The following ABLIM1 variants were observed in gnomAD, a reference collection of about 807,000 sequenced individuals.
ABLIM1 encodes the protein actin binding LIM protein 1, also known as actin-binding LIM protein 1.
Under a neutral mutation model 107.0 loss-of-function variants are expected in ABLIM1, and 40 were observed. That is an observed-to-expected ratio of 0.37 (90% CI 0.29 to 0.49). The LOEUF is 0.49. Among genes scored for constraint, ABLIM1 ranks in the 20% least tolerant of loss-of-function variants. The pLI is 0.97. For synonymous variants in ABLIM1, 357 were observed against 357.3 expected, an observed-to-expected ratio of 1.00 and a Z score of 0.01; for missense variants, 857 against 1,008.5, an observed-to-expected ratio of 0.85 and a Z score of 2.04.
chr10:114,789,154 C>T, the ABLIM1 span, among the ~76,000 whole-genome samples: 1 of 151,908 alleles, frequency 6.6e-6, no homozygotes, highest in East Asian at 1.9e-4. Flanking sequence ...ACTTGGGAGG[C>T]TGAGGCAGAA....
At chr10:114,773,514 G>C in the ABLIM1 span, among the ~76,000 whole-genome samples, 5 of 152,178 alleles carry the variant, frequency 3.3e-5, no homozygotes, top group Non-Finnish European at 7.3e-5. Context: ...TTGAGGTCAG[G>C]AGTTCAAAAC....
At chr10:114,625,068 T>C (rs1352160791) in intron 1 of ABLIM1, among the ~76,000 whole-genome samples, 2 of 152,192 alleles carry the variant, frequency 1.3e-5, no homozygotes, top group Admixed American at 6.5e-5. Context: ...TCCTTTAATC[T>C]ATCACTTCCC....
chr10:114,613,312 G>A (rs1446879944), intron 1 of ABLIM1, among the ~76,000 whole-genome samples: 1 of 152,200 alleles, frequency 6.6e-6, no homozygotes, highest in Non-Finnish European at 1.5e-5. Flanking sequence ...ATTCACCCCT[G>A]CAGTGGGGAG....
At chr10:114,764,570 G>A (rs1219973072) in intron 1 of ABLIM1, among the ~76,000 whole-genome samples, 2 of 151,490 alleles carry the variant, frequency 1.3e-5, no homozygotes, top group African/African-American at 4.9e-5. Context: ...TTAAACTCCT[G>A]GCCTCAAGTG....
At chr10:114,532,891 G>A (rs2065601953) in intron 6 of ABLIM1, among the ~76,000 whole-genome samples, 1 of 152,146 alleles carries the variant, frequency 6.6e-6, no homozygotes, top group Admixed American at 6.5e-5. Flanking sequence ...AGACCCACTT[G>A]TCTGTTTCTC....
At chr10:114,442,676 C>CA (rs5788066) in intron 17 of ABLIM1, among the ~76,000 whole-genome samples, 33,250 of 152,018 alleles carry the variant, frequency 0.22, 4,503 homozygotes, top group African/African-American at 0.4. Flanking sequence ...TAGTTATTGG[C>CA]GTATCACGCT....
At chr10:114,559,783 G>A (rs1327443987) in intron 4 of ABLIM1, among the ~76,000 whole-genome samples, 3 of 152,226 alleles carry the variant, frequency 2.0e-5, no homozygotes, top group African/African-American at 7.2e-5. Context: ...TCTCAGCACT[G>A]TTGATACTCT....
At chr10:114,497,681 C>CA (rs576676119) in intron 6 of ABLIM1, among the ~76,000 whole-genome samples, 12,069 of 75,406 alleles carry the variant, frequency 0.16, 1,126 homozygotes, top group East Asian at 0.48. Context: ...GATTCTGTCT[C>CA]AAAAAAAAAA....
chr10:114,710,412 G>A (rs912560181), intron 1 of ABLIM1, among the ~76,000 whole-genome samples: 3 of 152,174 alleles, frequency 2.0e-5, no homozygotes, highest in Non-Finnish European at 4.4e-5. Context: ...AAGACAGAAT[G>A]AGAGACAAGC....
intron 1 of ABLIM1, among the ~76,000 whole-genome samples, chr10:114,699,104 C>CAAAAA (rs11344931): frequency 8.7e-6 from 1 of 115,252 alleles, no homozygotes; most frequent in African/African-American, 3.3e-5. Flanking sequence ...TTTTGCTTAG[C>CAAAAA]AAAAAAAAAA....
intron 1 of ABLIM1, among the ~76,000 whole-genome samples, chr10:114,752,625 G>T (rs1039455196): frequency 5.9e-5 from 9 of 152,116 alleles, no homozygotes; most frequent in Non-Finnish European, 8.8e-5. Context: ...AGTGTGTGTT[G>T]TTCCCTTCCC....
chr10:114,607,463 C>T (rs1387303026), intron 1 of ABLIM1, among the ~76,000 whole-genome samples: 1 of 152,158 alleles, frequency 6.6e-6, no homozygotes, highest in Non-Finnish European at 1.5e-5. Context: ...GTGATCTCCT[C>T]CCAAAGAGCA....
chr10:114,640,839 A>C (rs1417293709), intron 1 of ABLIM1, among the ~76,000 whole-genome samples: 1 of 152,196 alleles, frequency 6.6e-6, no homozygotes, highest in African/African-American at 2.4e-5. Context: ...GGAATAAAGA[A>C]AAAAGCTTTA....
intron 8 of ABLIM1, among the ~76,000 whole-genome samples, chr10:114,481,833 T>C (rs2057423118): frequency 6.6e-6 from 1 of 152,236 alleles, no homozygotes; most frequent in Non-Finnish European, 1.5e-5. Flanking sequence ...GTATGTATTG[T>C]AGTGACATGA....
At chr10:114,641,563 C>T (rs1338272572) in intron 1 of ABLIM1, among the ~76,000 whole-genome samples, 2 of 152,034 alleles carry the variant, frequency 1.3e-5, no homozygotes, top group African/African-American at 4.8e-5. Flanking sequence ...AAAAGCAAGG[C>T]CAGGGACAGA....
intron 4 of ABLIM1, among the ~76,000 whole-genome samples, chr10:114,559,645 C>T (rs1428885928): frequency 6.6e-6 from 1 of 152,100 alleles, no homozygotes; most frequent in East Asian, 1.9e-4. Flanking sequence ...TAGAGCAGTT[C>T]TCCCTTCTGC....
At position 114,722,812 on chromosome 10, in the gene ABLIM1, C is replaced by A. The variant is rs185645219; in HGVS notation, c.-213+45249G>T. Among the ~76,000 whole-genome samples the A allele has an allele frequency of 4.6e-5, 7 of 152,326 alleles. No individual in the cohort carries two copies. In the East Asian group the frequency reaches 1.4e-3, roughly 29 times the overall value. On this transcript the variant is annotated intron_variant, in intron 1 of 15. Transcript: ENST00000651092. ...AGGAGGACCCAGTACCTGGATAGTT[C>A]TTTTCCCTTTTTCCCTTCTTTTCTG... is the stretch of plus-strand genomic sequence containing the variant.
chr10:114,463,004 C>T, intron 12 of ABLIM1: 1 of 1,307,438 alleles, frequency 7.6e-7, no homozygotes, highest in South Asian at 1.2e-5. Context: ...TAATAAATCT[C>T]CACTATGCAG....
chr10:114,601,417 C>A (rs1293106642), intron 2 of ABLIM1, among the ~76,000 whole-genome samples: 1 of 151,984 alleles, frequency 6.6e-6, no homozygotes, highest in Non-Finnish European at 1.5e-5. Flanking sequence ...AGACGCCCAC[C>A]ACTGCACCCA....
Sources: allele counts gnomAD v4.1 joint callset (sites outside exome capture counted in the v4.1 genomes callset), GRCh38; gene constraint gnomAD v4.1.1; transcripts MANE v1.5; gene names NCBI Gene and HGNC (gene_info 2026-07-23, HGNC 2026-07-21).